Variants in CHRNA7 observed in about 807,000 individuals in gnomAD.
CHRNA7 encodes cholinergic receptor nicotinic alpha 7 subunit.
A neutral mutation model predicts 48.0 loss-of-function variants in CHRNA7; 17 were observed. The observed-to-expected ratio is 0.35, with a 90% CI of 0.24 to 0.53. The LOEUF (loss-of-function observed/expected upper bound fraction) is 0.53, where lower values mean the gene tolerates loss of function less well. CHRNA7 is among the 20% of genes least tolerant of loss of function. The probability of loss-of-function intolerance (pLI) is 0.92; values close to 1 mark genes in which losing one functional copy is unlikely to be tolerated. For synonymous variants in CHRNA7, 75 were observed against 242.3 expected, an observed-to-expected ratio of 0.31 and a Z score of 6.41; for missense variants, 155 against 577.7, an observed-to-expected ratio of 0.27 and a Z score of 7.50.
At chr15:32,070,669 CTTTTTTTTTTTTTT>C (rs71113441) in intron 2 of CHRNA7, among the ~76,000 whole-genome samples, 15 of 40,894 alleles carry the variant, frequency 3.7e-4, no homozygotes, top group African/African-American at 7.4e-4. Context: ...GGTTTAGTTC[CTTTTTTTTTTTTTT>C]TTTTTTTTTT....
chr15:32,041,479 A>C (rs1267125481), intron 2 of CHRNA7, among the ~76,000 whole-genome samples: 1 of 152,192 alleles, frequency 6.6e-6, no homozygotes, highest in Non-Finnish European at 1.5e-5. Flanking sequence ...CGCTGATCTG[A>C]CCGGAGGCGG....
intron 3 of CHRNA7, among the ~76,000 whole-genome samples, chr15:32,104,225 C>T (rs1033102316): frequency 1.3e-5 from 2 of 151,984 alleles, no homozygotes; most frequent in African/African-American, 4.8e-5. Context: ...TTCCTGGCTG[C>T]ACTCACTGTC....
At chr15:32,118,439 C>T (rs923446893) in intron 4 of CHRNA7, among the ~76,000 whole-genome samples, 3 of 152,146 alleles carry the variant, frequency 2.0e-5, no homozygotes, top group African/African-American at 4.8e-5. Context: ...GTTACAGCTT[C>T]TGTATTAATC....
At chr15:32,051,569 A>C (rs1280959896) in intron 2 of CHRNA7, among the ~76,000 whole-genome samples, 1 of 48,338 alleles carries the variant, frequency 2.1e-5, no homozygotes, top group Admixed American at 2.0e-4. Flanking sequence ...TTCCTTGACC[A>C]GGAAAGGGAA....
In CHRNA7 at chr15:32,030,583, C is replaced by A. The variant is rs1231889582; in HGVS notation, c.-12C>A. 5 of 1,524,374 alleles carry A rather than the reference C, an allele frequency of 3.3e-6. No homozygotes were observed. Among genetic ancestry groups the A allele is most frequent in the Non-Finnish European group, 4.4e-6 (5 of 1,143,646 alleles). 94.4% of individuals were successfully genotyped at this position (1,524,374 alleles called of 1,614,324 possible). Reference sequence around the variant, plus strand: ...TGGAGCGCGCCGGCTCGCTGCAGCTCCGGGACTCAACATGCGCTGCTCGCC... The same window carrying A: ...TGGAGCGCGCCGGCTCGCTGCAGCTACGGGACTCAACATGCGCTGCTCGCC... On this transcript the variant is annotated 5_prime_UTR_variant, in exon 1 of 10. Coordinates refer to ENST00000306901, the MANE Select transcript of CHRNA7 (RefSeq NM_000746.6).
chr15:32,078,928 C>A (rs2050174931), intron 2 of CHRNA7, among the ~76,000 whole-genome samples: 1 of 152,180 alleles, frequency 6.6e-6, no homozygotes. Flanking sequence ...CCAAATCCAG[C>A]AGCACATCAC....
At chr15:32,121,406 C>G (rs1041104372) in intron 4 of CHRNA7, among the ~76,000 whole-genome samples, 4 of 152,200 alleles carry the variant, frequency 2.6e-5, no homozygotes, top group African/African-American at 9.7e-5. Context: ...TAAAATTACT[C>G]TGCTTCACAA....
In CHRNA7 at chr15:32,149,406, A is replaced by T. The variant is rs530408778; in HGVS notation, c.351-4501A>T. On this transcript the variant is annotated intron_variant, in intron 4 of 9. Transcript: ENST00000306901. The surrounding 1 kb of genome is among the most constrained non-coding windows in gnomAD (Gnocchi z 4.6). ...CGGTGCTGTGGCCACTGAGGTCCTC[A>T]TAGGGGTTCTGGCCACTCACATTTC... Among the ~76,000 whole-genome samples, 1 of 152,126 alleles carries T rather than the reference A, an allele frequency of 6.6e-6. No homozygotes were observed. The highest frequency in any genetic ancestry group is 2.4e-5 in the African/African-American group (1 of 41,428).
intron 4 of CHRNA7, among the ~76,000 whole-genome samples, chr15:32,141,746 T>A (rs566876342): frequency 7.9e-5 from 12 of 152,364 alleles, no homozygotes; most frequent in African/African-American, 2.4e-4. Context: ...TGTATAGGAA[T>A]GCTTGTGATT....
chr15:32,142,011 A>T (rs574017320), intron 4 of CHRNA7, among the ~76,000 whole-genome samples: 125 of 152,328 alleles, frequency 8.2e-4, no homozygotes, highest in Non-Finnish European at 1.4e-3. Context: ...TTTCAAAGGG[A>T]ATGATTCCAG....
intron 2 of CHRNA7, among the ~76,000 whole-genome samples, chr15:32,059,455 G>C (rs754546819): frequency 2.0e-5 from 3 of 152,104 alleles, no homozygotes; most frequent in East Asian, 1.9e-4. Flanking sequence ...TGAACTGTCA[G>C]ATTGGCTCCT....
At chr15:32,083,668 C>T (rs2050250932) in intron 2 of CHRNA7, among the ~76,000 whole-genome samples, 1 of 152,134 alleles carries the variant, frequency 6.6e-6, no homozygotes, top group Admixed American at 6.5e-5. Context: ...CAATTTATTC[C>T]TAGCCAGTTC....
chr15:32,135,619 C>A (rs1385483488), intron 4 of CHRNA7, among the ~76,000 whole-genome samples: 1 of 152,142 alleles, frequency 6.6e-6, no homozygotes, highest in Non-Finnish European at 1.5e-5. Flanking sequence ...ACATCGTTTT[C>A]CATTGAAATA....
At chr15:32,073,919 A>G (rs983731330) in intron 2 of CHRNA7, among the ~76,000 whole-genome samples, 2 of 152,066 alleles carry the variant, frequency 1.3e-5, no homozygotes, top group African/African-American at 4.8e-5. Flanking sequence ...ACCCAGTCTC[A>G]GGTATTCCTT....
At chr15:32,062,568 C>T (rs2049896576) in intron 2 of CHRNA7, among the ~76,000 whole-genome samples, 1 of 152,060 alleles carries the variant, frequency 6.6e-6, no homozygotes, top group African/African-American at 2.4e-5. Context: ...GCATTTTATC[C>T]TCCTGCTTGA....
At chr15:32,054,246 A>C (rs998350431) in intron 2 of CHRNA7, among the ~76,000 whole-genome samples, 1 of 152,190 alleles carries the variant, frequency 6.6e-6, no homozygotes, top group East Asian at 1.9e-4. Flanking sequence ...AAATTAGGGT[A>C]AGGCTGCTCA....
chr15:32,127,303 G>A (rs1158208441), intron 4 of CHRNA7, among the ~76,000 whole-genome samples: 1 of 152,080 alleles, frequency 6.6e-6, no homozygotes, highest in African/African-American at 2.4e-5. Flanking sequence ...TGTTTTTGAA[G>A]ATGTTTCCAT....
At chr15:32,098,660 T>G (rs1168455134) in intron 2 of CHRNA7, 2 of 152,238 alleles carry the variant, frequency 1.3e-5, no homozygotes, top group Non-Finnish European at 2.9e-5. Flanking sequence ...ATCCACATAC[T>G]GTGGTATTGC....
At chr15:32,072,200 G>A (rs530193287) in intron 2 of CHRNA7, among the ~76,000 whole-genome samples, 1 of 152,282 alleles carries the variant, frequency 6.6e-6, no homozygotes, top group East Asian at 1.9e-4. Context: ...TCATGTTCTA[G>A]GGATTTATGG....
Sources: gnomAD v4.1 joint callset for allele counts (sites outside exome capture counted in the v4.1 genomes callset) on GRCh38, gnomAD v4.1.1 for gene constraint, Gnocchi (gnomAD v3.1) non-coding constraint, MANE v1.5 for transcripts, NCBI Gene and HGNC (gene_info 2026-07-23, HGNC 2026-07-21) for gene names.